AUTS2: variants seen among roughly 807,000 people sequenced by gnomAD.
AUTS2 encodes autism susceptibility gene 2 protein.
AUTS2 carries 17 observed loss-of-function variants against 112.4 expected under a neutral mutation model. That is an observed-to-expected ratio of 0.15 (90% CI 0.10 to 0.23). The LOEUF is 0.23. Among genes scored for constraint, AUTS2 ranks in the 10% least tolerant of loss-of-function variants. The pLI is 1.00. For missense variants in AUTS2, 1,510 were observed against 1,701.6 expected, an observed-to-expected ratio of 0.89 and a Z score of 1.98; for synonymous variants, 751 against 702.7, an observed-to-expected ratio of 1.07 and a Z score of -1.09.
chr7:69,756,978 AT>A (rs1304945413), intron 1 of AUTS2, among the ~76,000 whole-genome samples: 4 of 152,170 alleles, frequency 2.6e-5, no homozygotes, highest in Non-Finnish European at 5.9e-5. Context: ...CCTAGGAAAT[AT>A]TGGTTTTACT....
At chr7:69,743,156 A>G (rs1312777618) in intron 1 of AUTS2, among the ~76,000 whole-genome samples, 1 of 152,192 alleles carries the variant, frequency 6.6e-6, no homozygotes, top group Non-Finnish European at 1.5e-5. Context: ...GACTTTGGGC[A>G]AGTTACCTAA....
intron 1 of AUTS2, among the ~76,000 whole-genome samples, chr7:69,845,364 A>G (rs963937792): frequency 1.3e-5 from 2 of 152,154 alleles, no homozygotes; most frequent in Non-Finnish European, 2.9e-5. Flanking sequence ...AAGAGAATCA[A>G]GAAGACCTTG....
intron 4 of AUTS2, among the ~76,000 whole-genome samples, chr7:70,416,184 G>A (rs923194404): frequency 6.6e-6 from 1 of 152,152 alleles, no homozygotes; most frequent in Non-Finnish European, 1.5e-5. Context: ...TTTTTACAAA[G>A]GAAGATATGT....
At chr7:70,760,515 G>A (rs543933872) in intron 6 of AUTS2, among the ~76,000 whole-genome samples, 149 of 152,344 alleles carry the variant, frequency 9.8e-4, no homozygotes, top group African/African-American at 3.3e-3. Context: ...TATGAAGCAC[G>A]TGATTTTTCA....
chr7:70,570,612 A>T (rs1364242510), intron 5 of AUTS2, among the ~76,000 whole-genome samples: 1 of 151,682 alleles, frequency 6.6e-6, no homozygotes, highest in Non-Finnish European at 1.5e-5. Flanking sequence ...CGTTCCTTTA[A>T]CTTCATGACA....
chr7:70,435,674 G>A lies in AUTS2; in HGVS notation c.661-78G>A, dbSNP rs534754783. 136 of 1,418,010 alleles carry A rather than the reference G, an allele frequency of 9.6e-5. 1 individual carries two copies. Among genetic ancestry groups the A allele is most frequent in the Non-Finnish European group, 3.5e-5 (35 of 1,005,994 alleles). 87.8% of individuals were successfully genotyped at this position (1,418,010 alleles called of 1,614,324 possible). ...TTATCTTGCACTTTTTTTGTATGGG[G>A]GTTGGGGGAGGAGGCATCAAAAGCA... On this transcript the variant is annotated intron_variant, in intron 4 of 18. Transcript: ENST00000342771.
intron 5 of AUTS2, among the ~76,000 whole-genome samples, chr7:70,545,615 G>A (rs1233073876): frequency 6.6e-6 from 1 of 152,186 alleles, no homozygotes; most frequent in East Asian, 1.9e-4. Flanking sequence ...GCCCCACTGT[G>A]AATGACAAAG....
intron 5 of AUTS2, among the ~76,000 whole-genome samples, chr7:70,476,882 G>A (rs963660687): frequency 3.3e-5 from 5 of 152,188 alleles, no homozygotes; most frequent in Non-Finnish European, 7.3e-5. Flanking sequence ...ATCCCTTCCT[G>A]AGCCACAGAA....
At chr7:70,620,959 G>A (rs552743940) in intron 5 of AUTS2, among the ~76,000 whole-genome samples, 2 of 152,312 alleles carry the variant, frequency 1.3e-5, no homozygotes, top group East Asian at 1.9e-4. Context: ...GCTGAGCAGC[G>A]ACAGGAGCAC....
chr7:69,938,320 C>T (rs1195781963), intron 2 of AUTS2, among the ~76,000 whole-genome samples: 1 of 152,192 alleles, frequency 6.6e-6, no homozygotes, highest in Non-Finnish European at 1.5e-5. Flanking sequence ...CTATAAAACT[C>T]CACATTTAAT....
intron 4 of AUTS2, among the ~76,000 whole-genome samples, chr7:70,363,862 C>T (rs565563869): frequency 6.6e-6 from 1 of 152,208 alleles, no homozygotes; most frequent in South Asian, 2.1e-4. Flanking sequence ...TACAGTCCTC[C>T]TCTAGCCTAT....
chr7:70,462,085 C>G (rs1442995656), intron 5 of AUTS2, among the ~76,000 whole-genome samples: 1 of 152,032 alleles, frequency 6.6e-6, no homozygotes, highest in Non-Finnish European at 1.5e-5. Flanking sequence ...AACCCCATCT[C>G]TATGAGAAAT....
At chr7:69,749,641 G>A (rs753154064) in intron 1 of AUTS2, among the ~76,000 whole-genome samples, 2 of 152,164 alleles carry the variant, frequency 1.3e-5, no homozygotes, top group African/African-American at 4.8e-5. Flanking sequence ...ACCATTTTGC[G>A]CTTTGCGGCT....
intron 1 of AUTS2, among the ~76,000 whole-genome samples, chr7:69,833,877 A>C (rs1791606725): frequency 6.6e-6 from 1 of 152,228 alleles, no homozygotes; most frequent in African/African-American, 2.4e-5. Context: ...AATTATATCC[A>C]CACTCATGAT....
intron 3 of AUTS2, chr7:70,119,749 A>G (rs189999054): frequency 3.9e-5 from 6 of 152,250 alleles, no homozygotes; most frequent in Admixed American, 2.0e-4. Flanking sequence ...GAGTAGCACC[A>G]TGAAAAAAAA....
At chr7:69,984,160 G>A (rs571640615) in intron 2 of AUTS2, among the ~76,000 whole-genome samples, 4 of 152,146 alleles carry the variant, frequency 2.6e-5, no homozygotes, top group Non-Finnish European at 5.9e-5. Flanking sequence ...GCTCACGCTT[G>A]TAATCCCAGC....
At chr7:70,590,261 A>G (rs1802882112) in intron 5 of AUTS2, among the ~76,000 whole-genome samples, 1 of 152,162 alleles carries the variant, frequency 6.6e-6, no homozygotes, top group African/African-American at 2.4e-5. Flanking sequence ...TTTTGATGAC[A>G]ACCTGCGAGG....
chr7:70,693,872 C>T (rs1420175269), intron 5 of AUTS2, among the ~76,000 whole-genome samples: 2 of 152,168 alleles, frequency 1.3e-5, no homozygotes, highest in East Asian at 3.9e-4. Context: ...GCCGAGGGCT[C>T]GAGCCGCGGG....
At chr7:70,178,586 G>A (rs1205938448) in intron 4 of AUTS2, among the ~76,000 whole-genome samples, 2 of 152,060 alleles carry the variant, frequency 1.3e-5, no homozygotes, top group Non-Finnish European at 2.9e-5. Flanking sequence ...GATCCCATGA[G>A]GTCAGGAGTT....
Sources: allele counts gnomAD v4.1 joint callset (sites outside exome capture counted in the v4.1 genomes callset), GRCh38; gene constraint gnomAD v4.1.1; transcripts MANE v1.5; gene names NCBI Gene and HGNC (gene_info 2026-07-23, HGNC 2026-07-21).